NCALD: variants seen among roughly 807,000 people sequenced by gnomAD.
NCALD encodes the protein neurocalcin delta.
NCALD carries 10 observed loss-of-function variants against 18.6 expected under a neutral mutation model. The observed-to-expected ratio is 0.54, with a 90% CI of 0.33 to 0.91. The LOEUF is 0.91. NCALD is among the 40% of genes least tolerant of loss of function. The pLI, the probability that NCALD is intolerant of heterozygous loss-of-function variation, is 0.03. For synonymous variants in NCALD, 88 were observed against 87.4 expected (o/e 1.01, Z -0.04); for missense variants, 184 against 247.6 (o/e 0.74, Z 1.72).
chr8:101,979,495 A>T (rs1204481530), intron 2 of NCALD, among the ~76,000 whole-genome samples: 3 of 152,242 alleles, frequency 2.0e-5, no homozygotes, highest in Non-Finnish European at 4.4e-5. Flanking sequence ...AGAGTCCTAT[A>T]GCACTCTTGG....
At chr8:101,965,114 A>G (rs1819973296) in intron 2 of NCALD, among the ~76,000 whole-genome samples, 1 of 152,220 alleles carries the variant, frequency 6.6e-6, no homozygotes, top group South Asian at 2.1e-4. Context: ...TCAATAAACA[A>G]CAGATGCTGG....
At chr8:102,081,576 A>AAAAAAAAAAAAAAAAAAAC (rs370277767) in intron 1 of NCALD, among the ~76,000 whole-genome samples, 2 of 63,432 alleles carry the variant, frequency 3.2e-5, no homozygotes, top group African/African-American at 2.6e-4. Flanking sequence ...AAAAAAAAAA[A>AAAAAAAAAAAAAAAAAAAC]CCCCAAAAAA....
chr8:101,698,767 A>G (rs1464612799), intron 2 of NCALD, among the ~76,000 whole-genome samples: 1 of 152,224 alleles, frequency 6.6e-6, no homozygotes, highest in Non-Finnish European at 1.5e-5. Context: ...TACACCTTAT[A>G]CAAAAATTAA....
intron 1 of NCALD, among the ~76,000 whole-genome samples, chr8:102,036,051 G>A (rs28478554): frequency 0.38 from 57,303 of 151,718 alleles, 11,431 homozygotes; most frequent in African/African-American, 0.44. Flanking sequence ...CACTTTGGGA[G>A]GCTAAGGTAG....
At chr8:101,879,946 G>A (rs1242828504) in intron 4 of NCALD, among the ~76,000 whole-genome samples, 1 of 152,196 alleles carries the variant, frequency 6.6e-6, no homozygotes, top group African/African-American at 2.4e-5. Context: ...GGGCCGCAGG[G>A]CAGAGCTGCC....
At chr8:101,955,475 C>T (rs1395419383) in intron 2 of NCALD, among the ~76,000 whole-genome samples, 1 of 152,146 alleles carries the variant, frequency 6.6e-6, no homozygotes, top group Admixed American at 6.5e-5. Context: ...GAAGCTGAGA[C>T]ATCTGGGGTC....
intron 1 of NCALD, among the ~76,000 whole-genome samples, chr8:101,786,911 C>T (rs1464448270): frequency 6.6e-6 from 1 of 152,060 alleles, no homozygotes; most frequent in African/African-American, 2.4e-5. Context: ...TTTAAAGGCA[C>T]TTATGAAAAT....
Position 101,802,695 on chromosome 8 carries a change from C to T in NCALD, c.-19-83047G>A, listed in dbSNP as rs574171054. ...CCAAAGTCTGTTCTTAAGCCAGTCCCTAACTCTCTTCAATTCTATAAAGGC... is the reference window on the plus strand; with the variant it reads ...CCAAAGTCTGTTCTTAAGCCAGTCCTTAACTCTCTTCAATTCTATAAAGGC... On this transcript the variant is annotated intron_variant, in intron 4 of 6. Coordinates refer to the NCALD transcript ENST00000311028. Among the ~76,000 whole-genome samples the T allele has an allele frequency of 2.7e-3, 405 of 152,084 alleles. 1 individual carries two copies. Among genetic ancestry groups the T allele is most frequent in the Non-Finnish European group, 4.2e-3 (288 of 67,980 alleles).
At chr8:101,744,201 C>T (rs1810332189) in intron 1 of NCALD, among the ~76,000 whole-genome samples, 1 of 152,166 alleles carries the variant, frequency 6.6e-6, no homozygotes, top group African/African-American at 2.4e-5. Context: ...CCAGTCCAGC[C>T]CCCTCAGTCC....
chr8:101,823,702 A>ATGTGC (rs1353882755), intron 4 of NCALD, among the ~76,000 whole-genome samples: 1 of 152,230 alleles, frequency 6.6e-6, no homozygotes, highest in Non-Finnish European at 1.5e-5. Context: ...TATCCTCAGG[A>ATGTGC]TGTGCTGTTC....
intron 2 of NCALD, among the ~76,000 whole-genome samples, chr8:101,704,991 C>T (rs569545413): frequency 1.3e-4 from 19 of 151,524 alleles, no homozygotes; most frequent in African/African-American, 4.6e-4. Flanking sequence ...TTAGGGAGGC[C>T]GAGGTGGGCG....
chr8:101,922,515 A>C (rs1818203019), intron 2 of NCALD, among the ~76,000 whole-genome samples: 1 of 152,252 alleles, frequency 6.6e-6, no homozygotes, highest in Admixed American at 6.5e-5. Flanking sequence ...GTAGGAGCAC[A>C]AGAATAATAA....
At chr8:101,992,101 A>G (rs936777396) in intron 2 of NCALD, among the ~76,000 whole-genome samples, 6 of 152,236 alleles carry the variant, frequency 3.9e-5, no homozygotes, top group Non-Finnish European at 7.3e-5. Flanking sequence ...TGAAAGTCGC[A>G]TGGGAACTGA....
At chr8:102,029,635 G>A (rs991353713) in intron 1 of NCALD, among the ~76,000 whole-genome samples, 1 of 152,116 alleles carries the variant, frequency 6.6e-6, no homozygotes, top group Non-Finnish European at 1.5e-5. Context: ...TTTCCATAAA[G>A]TCGCTGTCAC....
At chr8:101,697,095 A>C (rs1259161185) in intron 2 of NCALD, among the ~76,000 whole-genome samples, 5 of 152,198 alleles carry the variant, frequency 3.3e-5, no homozygotes, top group Non-Finnish European at 7.3e-5. Flanking sequence ...AGACACAATA[A>C]AAAATGATAA....
At chr8:101,834,927 T>A (rs1176163013) in intron 4 of NCALD, among the ~76,000 whole-genome samples, 1 of 152,196 alleles carries the variant, frequency 6.6e-6, no homozygotes, top group Non-Finnish European at 1.5e-5. Context: ...GCACCTGAAG[T>A]CCTCAGTTCT....
chr8:101,793,896 G>T (rs1328921867), upstream of NCALD, among the ~76,000 whole-genome samples: 1 of 152,206 alleles, frequency 6.6e-6, no homozygotes, highest in South Asian at 2.1e-4. Context: ...TCACACACCT[G>T]AACTAACAGG....
chr8:101,844,768 T>C (rs1814796430), intron 4 of NCALD, among the ~76,000 whole-genome samples: 1 of 152,102 alleles, frequency 6.6e-6, no homozygotes, highest in Non-Finnish European at 1.5e-5. Flanking sequence ...CAGAGAGCGG[T>C]GAGTTCTTAT....
intron 4 of NCALD, among the ~76,000 whole-genome samples, chr8:101,823,962 C>T (rs147017631): frequency 3.0e-4 from 45 of 152,320 alleles, no homozygotes; most frequent in Middle Eastern, 3.4e-3. Context: ...TAGCCCTGTA[C>T]ATTTAAATTT....
Sources: allele counts gnomAD v4.1 joint callset (sites outside exome capture counted in the v4.1 genomes callset), GRCh38; gene constraint gnomAD v4.1.1; transcripts MANE v1.5; gene names NCBI Gene and HGNC (gene_info 2026-07-23, HGNC 2026-07-21).